Variants in COG5 observed in about 807,000 individuals in gnomAD.
The protein encoded by COG5 is component of oligomeric golgi complex 5.
Under a neutral mutation model 110.4 loss-of-function variants are expected in COG5, and 86 were observed. The observed-to-expected ratio is 0.78, with a 90% confidence interval of 0.65 to 0.93. The LOEUF (loss-of-function observed/expected upper bound fraction) is 0.93, where lower values mean the gene tolerates loss of function less well. Among genes scored for constraint, COG5 ranks in the 40% least tolerant of loss-of-function variants. The probability of loss-of-function intolerance (pLI) is 0.00; values close to 1 mark genes in which losing one functional copy is unlikely to be tolerated. For synonymous variants in COG5, 360 were observed against 334.6 expected (o/e 1.08, Z -0.83); for missense variants, 1,077 against 987.0 (o/e 1.09, Z -1.22).
intron 6 of COG5, among the ~76,000 whole-genome samples, chr7:107,448,581 C>G (rs1277879410): frequency 6.6e-6 from 1 of 152,166 alleles, no homozygotes; most frequent in Non-Finnish European, 1.5e-5. Context: ...TTTGTGGCAA[C>G]TCTCAGATCT....
intron 7 of COG5, among the ~76,000 whole-genome samples, chr7:107,403,557 G>T (rs1473382445): frequency 6.7e-6 from 1 of 148,608 alleles, no homozygotes; most frequent in Admixed American, 6.8e-5. Flanking sequence ...AACCCCAACA[G>T]GCCCCGGTGT....
At chr7:107,563,746 G>A (rs948786872) in intron 1 of COG5, 57 bp downstream of exon 1, 17 of 1,592,378 alleles carry the variant, frequency 1.1e-5, no homozygotes, top group Non-Finnish European at 1.3e-5. Context: ...TCGCTGTCCA[G>A]GTGCGGAGCA....
chr7:107,415,894 A>G (rs1272017985), intron 6 of COG5, among the ~76,000 whole-genome samples: 1 of 124,430 alleles, frequency 8.0e-6, no homozygotes, highest in African/African-American at 2.9e-5. Flanking sequence ...ATATACACAC[A>G]CATACACGTA....
intron 11 of COG5, among the ~76,000 whole-genome samples, chr7:107,301,389 A>AACTC (rs1807256818): frequency 6.6e-6 from 1 of 152,198 alleles, no homozygotes; most frequent in Admixed American, 6.5e-5. Context: ...ACACATAAAG[A>AACTC]ACTCTCAAGT....
At chr7:107,467,978 A>G (rs1796402593) in intron 6 of COG5, among the ~76,000 whole-genome samples, 1 of 152,186 alleles carries the variant, frequency 6.6e-6, no homozygotes, top group Non-Finnish European at 1.5e-5. Flanking sequence ...ATAACTTGAA[A>G]ACACTGTCTC....
intron 6 of COG5, among the ~76,000 whole-genome samples, chr7:107,445,303 T>G (rs1372000690): frequency 6.6e-6 from 1 of 152,226 alleles, no homozygotes; most frequent in African/African-American, 2.4e-5. Flanking sequence ...CCATACACAT[T>G]TCTAAAGGTT....
intron 6 of COG5, among the ~76,000 whole-genome samples, chr7:107,434,623 A>G (rs1045270255): frequency 6.6e-6 from 1 of 152,166 alleles, no homozygotes; most frequent in Non-Finnish European, 1.5e-5. Flanking sequence ...AAAAAAAGAT[A>G]AAAAGAAAAA....
intron 16 of COG5, among the ~76,000 whole-genome samples, chr7:107,250,940 CAG>C (rs1326923387): frequency 1.3e-5 from 2 of 151,494 alleles, no homozygotes; most frequent in Non-Finnish European, 2.9e-5. Context: ...AATAATGGGG[CAG>C]AGAGAGAATG....
At chr7:107,545,751 C>T (rs1180606941) in intron 5 of COG5, among the ~76,000 whole-genome samples, 1 of 130,930 alleles carries the variant, frequency 7.6e-6, no homozygotes, top group African/African-American at 3.0e-5. Flanking sequence ...TTGCACTCCA[C>T]CCTGGGTGAG....
At chr7:107,276,521 A>C (rs1236836206) in intron 14 of COG5, among the ~76,000 whole-genome samples, 1 of 152,088 alleles carries the variant, frequency 6.6e-6, no homozygotes, top group African/African-American at 2.4e-5. Flanking sequence ...AAAATAAGAA[A>C]ATTAGCTAGG....
chr7:107,207,108 T>A (rs1328582859), intron 21 of COG5, among the ~76,000 whole-genome samples: 1 of 152,212 alleles, frequency 6.6e-6, no homozygotes, highest in Non-Finnish European at 1.5e-5. Context: ...GTCAGGCATT[T>A]AAATATTCAA....
chr7:107,556,737 C>G (rs1270229762), intron 2 of COG5, among the ~76,000 whole-genome samples: 1 of 151,836 alleles, frequency 6.6e-6, no homozygotes, highest in East Asian at 1.9e-4. Flanking sequence ...TCCCCACAGT[C>G]TAACCCAAAG....
intron 6 of COG5, among the ~76,000 whole-genome samples, chr7:107,420,944 T>G (rs1296768723): frequency 1.3e-5 from 2 of 152,224 alleles, no homozygotes; most frequent in East Asian, 1.9e-4. Context: ...ATCAAAAGTC[T>G]TCTTTTTTGT....
At chr7:107,316,313 G>C (rs1808735163) in intron 11 of COG5, among the ~76,000 whole-genome samples, 1 of 152,098 alleles carries the variant, frequency 6.6e-6, no homozygotes, top group Non-Finnish European at 1.5e-5. Context: ...CTAGGAGAGA[G>C]AAATAAACAG....
chr7:107,532,039 T>C (rs890943404), intron 5 of COG5, among the ~76,000 whole-genome samples: 1 of 152,184 alleles, frequency 6.6e-6, no homozygotes, highest in Admixed American at 6.5e-5. Context: ...CCCTGGTTTC[T>C]TTTAGTAGAA....
intron 10 of COG5, among the ~76,000 whole-genome samples, chr7:107,334,655 T>G (rs1460541793): frequency 1.3e-5 from 2 of 149,766 alleles, no homozygotes; most frequent in African/African-American, 2.5e-5. Context: ...AAAAAAAAAA[T>G]GCTATCCAAA....
At chr7:107,297,359 G>A (rs1039494721) in intron 12 of COG5, among the ~76,000 whole-genome samples, 1 of 149,162 alleles carries the variant, frequency 6.7e-6, no homozygotes, top group Non-Finnish European at 1.5e-5. Context: ...CAAATATTAT[G>A]TCATTTTACC....
intron 8 of COG5, among the ~76,000 whole-genome samples, chr7:107,370,781 T>TA (rs71314692): frequency 0.32 from 32,573 of 101,316 alleles, 4,737 homozygotes; most frequent in Non-Finnish European, 0.38. Flanking sequence ...AAACTCCAGC[T>TA]AAAAAAAAAA....
At chr7:107,235,926 A>G (rs1181702367) in intron 18 of COG5, among the ~76,000 whole-genome samples, 1 of 152,208 alleles carries the variant, frequency 6.6e-6, no homozygotes, top group African/African-American at 2.4e-5. Context: ...GCCTGAAATG[A>G]TTTCAAGGCT....
Sources: gnomAD v4.1 joint callset for allele counts (sites outside exome capture counted in the v4.1 genomes callset) on GRCh38, gnomAD v4.1.1 for gene constraint, MANE v1.5 for transcripts, NCBI Gene and HGNC (gene_info 2026-07-23, HGNC 2026-07-21) for gene names.